Variants in TBXA2R observed in about 807,000 individuals in gnomAD.
The protein encoded by TBXA2R is thromboxane A2 receptor, also known as prostanoid TP receptor.
Under a neutral mutation model 15.6 loss-of-function variants are expected in TBXA2R, and 15 were observed. The ratio of observed to expected loss-of-function variants is 0.96; its 90% CI spans 0.64 to 1.48. TBXA2R has a LOEUF of 1.48. Among genes scored for constraint, TBXA2R ranks in the 40% most tolerant of loss-of-function variants. The pLI is 0.00. For missense variants in TBXA2R, 506 were observed against 491.4 expected, an observed-to-expected ratio of 1.03 and a Z score of -0.28; for synonymous variants, 280 against 241.2, an observed-to-expected ratio of 1.16 and a Z score of -1.49.
rs533734665 is a variant in TBXA2R at position 3,599,915 on chromosome 19, C to G, written c.720G>C (p.Glu240Asp). ...CCAGGAGCTGAGCCATCATCTCCAC[C>G]TCGGAGTCCCGGGGACGCTGCTGGG... ...EAAQQRPRDS[E>D]VEMMAQLLGI... The change falls in exon 2 of 3, where the codon GAG (glutamate) becomes GAC (aspartate). Residue 240 changes from glutamate to aspartate, a missense_variant. By Grantham distance (45) the Glu-to-Asp change is conservative. Coordinates refer to ENST00000375190, the MANE Select transcript of TBXA2R (RefSeq NM_001060.6). 22 of 1,549,944 alleles carry G rather than the reference C, an allele frequency of 1.4e-5. No individual in the cohort carries two copies. In the African/African-American group the frequency reaches 2.7e-4, roughly 19 times the overall value.
intron 1 of TBXA2R, among the ~76,000 whole-genome samples, chr19:3,602,811 C>T (rs1243585155): frequency 1.3e-5 from 2 of 151,226 alleles, no homozygotes; most frequent in African/African-American, 4.9e-5. Context: ...CCCAGGTGGG[C>T]GGATCACGAG....
At chr19:3,603,542 TC>T (rs1411079029) in intron 1 of TBXA2R, among the ~76,000 whole-genome samples, 1 of 152,084 alleles carries the variant, frequency 6.6e-6, no homozygotes, top group Non-Finnish European at 1.5e-5. Flanking sequence ...TTCTGGACAT[TC>T]CTTGGGACTC....
intron 2 of TBXA2R, among the ~76,000 whole-genome samples, chr19:3,599,137 G>A (rs564820729): frequency 6.5e-4 from 98 of 151,928 alleles, no homozygotes; most frequent in African/African-American, 1.4e-3. Flanking sequence ...TGTTTTCTAC[G>A]GCTGCTTTCT....
Position 3,595,948 on chromosome 19 carries a change from G to GCTGT in TBXA2R, c.787-19_787-16dup. Reference sequence around the variant, plus strand: ...GCGATGAAGACCTGCAAAGGGGAGAGCTGTCAGCCTGGGCCCCCGCCTCCA... The same window carrying GCTGT: ...GCGATGAAGACCTGCAAAGGGGAGAGCTGTCTGTCAGCCTGGGCCCCCGCCTCCA... On this transcript the variant is annotated splice_polypyrimidine_tract_variant and intron_variant, in intron 2 of 2. Transcript: ENST00000375190. 6.3e-7 allele frequency: 1 copy of GCTGT among 1,576,010 alleles called. No homozygotes were observed. Among genetic ancestry groups the GCTGT allele is most frequent in the Non-Finnish European group, 8.6e-7 (1 of 1,162,700 alleles).
intron 1 of TBXA2R, among the ~76,000 whole-genome samples, chr19:3,602,808 G>A (rs1356900806): frequency 1.3e-5 from 2 of 151,652 alleles, no homozygotes; most frequent in African/African-American, 4.8e-5. Flanking sequence ...AGGCCCAGGT[G>A]GGCGGATCAC....
Position 3,594,963 on chromosome 19 carries a change from C to T in TBXA2R, c.*725G>A. The stretch of plus-strand genomic sequence containing the variant: ...GGCGCAGTGGCTTACGCCTGTAATC[C>T]CAGCTGCTCGGGAGGCTGAGGCACG... On this transcript the variant is annotated 3_prime_UTR_variant, in exon 3 of 3. Transcript: ENST00000375190. 4 of 1,535,008 alleles carry T rather than the reference C, an allele frequency of 2.6e-6. No individual in the cohort carries two copies. Among genetic ancestry groups the T allele is most frequent in the Non-Finnish European group, 3.5e-6 (4 of 1,146,220 alleles).
At chr19:3,598,323 CT>C (rs2032640891) in intron 2 of TBXA2R, among the ~76,000 whole-genome samples, 1 of 143,188 alleles carries the variant, frequency 7.0e-6, no homozygotes, top group African/African-American at 2.6e-5. Context: ...TTTTTCTTTT[CT>C]TTTCTTTCTT....
At chr19:3,597,188 C>G (rs1236425143) in intron 2 of TBXA2R, among the ~76,000 whole-genome samples, 1 of 151,506 alleles carries the variant, frequency 6.6e-6, no homozygotes, top group East Asian at 1.9e-4. Context: ...GTGATCCACC[C>G]GCCTTAGCTT....
chr19:3,595,280 G>C lies in TBXA2R; in HGVS notation c.*408C>G. 9.2e-7 allele frequency: 1 copy of C among 1,087,834 alleles called. No homozygotes were observed. The highest frequency in any genetic ancestry group is 1.2e-6 in the Non-Finnish European group (1 of 825,264). The allele number at this position is 1,087,834 out of a possible 1,614,324, so 67.4% of individuals were successfully genotyped here. On this transcript the variant is annotated 3_prime_UTR_variant, in exon 3 of 3. Coordinates refer to ENST00000375190, the MANE Select transcript of TBXA2R (RefSeq NM_001060.6). ...TATAGTCCCAGCTACTCAGGAGGCT[G>C]AGGCAGGAGAATCGCTTGAACCCGG...
chr19:3,595,572 G>T lies in TBXA2R; in HGVS notation c.*116C>A, dbSNP rs202203460. The T allele has an allele frequency of 5.1e-5, 74 of 1,452,168 alleles. No individual in the cohort carries two copies. The African/African-American group carries it at 9.8e-4, about 19-fold the overall frequency. The allele number at this position is 1,452,168 out of a possible 1,614,324, so 90.0% of individuals were successfully genotyped here. A position where few individuals can be genotyped will look rare whatever the true frequency, so the allele number is the denominator to read the frequency against. On this transcript the variant is annotated 3_prime_UTR_variant, in exon 3 of 3. Coordinates refer to ENST00000375190, the MANE Select transcript of TBXA2R (RefSeq NM_001060.6). ...GGGGTCAACCCAAAACCCTGCTGCT[G>T]ATGCCCACTGTCCATCCAGCACCCC...
At position 3,595,811 on chromosome 19, in the gene TBXA2R, C is replaced by A; in HGVS notation, c.909G>T (p.Leu303=). 3 of 1,611,904 alleles carry A rather than the reference C, an allele frequency of 1.9e-6. No individual in the cohort carries two copies. The highest frequency in any genetic ancestry group is 2.5e-6 in the Non-Finnish European group (3 of 1,179,328). Residue 303 remains leucine, a synonymous_variant, in exon 3 of 3, where the codon CTG becomes CTT. Transcript: ENST00000375190. ...YLRVATWNQI[L]DPWVYILFRR... is the part of the protein sequence containing the mutation. ...GGAACAGGATATACACCCAGGGGTC[C>A]AGGATCTGGTTCCAGGTGGCCACGC...
At chr19:3,596,054 G>T in intron 2 of TBXA2R, 121 bp from the exon 3 acceptor site, 1 of 1,263,010 alleles carries the variant, frequency 7.9e-7, no homozygotes, top group Non-Finnish European at 1.1e-6. Flanking sequence ...TTTGAGACAG[G>T]GTCTCACTCT....
chr19:3,606,100 A>C (rs951423635), intron 1 of TBXA2R, among the ~76,000 whole-genome samples: 1 of 152,074 alleles, frequency 6.6e-6, no homozygotes, highest in African/African-American at 2.4e-5. Flanking sequence ...ACACAAAACC[A>C]CCACACACGC....
At chr19:3,596,020 T>C in intron 2 of TBXA2R, 87 bp from the exon 3 acceptor site, 1 of 1,479,490 alleles carries the variant, frequency 6.8e-7, no homozygotes. Flanking sequence ...AGATCCAGGG[T>C]CCACTCCGTT....
Position 3,594,728 on chromosome 19 carries a change from A to C in TBXA2R, c.*960T>G. On this transcript the variant is annotated 3_prime_UTR_variant, in exon 3 of 3. Coordinates refer to ENST00000375190, the MANE Select transcript of TBXA2R (RefSeq NM_001060.6). ...GCCCTGCCCTCGTCTGCTCCGGGTG[A>C]GGCCCAATGCACAAACTCCAGAGAT... is the stretch of plus-strand genomic sequence containing the variant. 5 of 945,888 alleles carry C rather than the reference A, an allele frequency of 5.3e-6. No individual in the cohort carries two copies. The highest frequency in any genetic ancestry group is 7.7e-6 in the Non-Finnish European group (5 of 646,332). The allele number at this position is 945,888 out of a possible 1,614,324, so 58.6% of individuals were successfully genotyped here.
At position 3,595,718 on chromosome 19, in the gene TBXA2R, G is replaced by C; in HGVS notation, c.1002C>G (p.Pro334=). ...STRPRSLSLQ[P]QLTQRSGLQ Reference sequence around the variant, plus strand: ...GCAGCCCGGAGCGCTGCGTGAGCTGGGGCTGGAGGGACAGCGACCTGGGCC... The same window carrying C: ...GCAGCCCGGAGCGCTGCGTGAGCTGCGGCTGGAGGGACAGCGACCTGGGCC... Residue 334 remains proline (P), a synonymous_variant, in exon 3 of 3, where the codon CCC becomes CCG. Coordinates refer to ENST00000375190, the MANE Select transcript of TBXA2R (RefSeq NM_001060.6). The C allele has an allele frequency of 1.3e-6, 2 of 1,598,594 alleles. No individual in the cohort carries two copies. The highest frequency in any genetic ancestry group is 1.7e-6 in the Non-Finnish European group (2 of 1,173,494).
intron 1 of TBXA2R, among the ~76,000 whole-genome samples, chr19:3,604,325 G>T (rs928265978): frequency 6.6e-6 from 1 of 152,126 alleles, no homozygotes; most frequent in Non-Finnish European, 1.5e-5. Flanking sequence ...CGTGTGACTC[G>T]GAGGGCTCTG....
intron 2 of TBXA2R, among the ~76,000 whole-genome samples, chr19:3,599,389 G>A (rs970859475): frequency 2.6e-5 from 4 of 151,044 alleles, no homozygotes; most frequent in Non-Finnish European, 4.4e-5. Context: ...GAGTGCAGTG[G>A]CGCAATCTCT....
In TBXA2R at chr19:3,600,318, C is replaced by G; in HGVS notation, c.317G>C (p.Arg106Pro). 5 of 1,613,138 alleles carry G rather than the reference C, an allele frequency of 3.1e-6. No individual in the cohort carries two copies. Among genetic ancestry groups the G allele is most frequent in the Non-Finnish European group, 2.5e-6 (3 of 1,179,814 alleles). ...GAAGATCATGACGACGCCCATGAAGCGACAGAGACGGCAGCCAGGGTCCAC... is the reference window on the plus strand; with the variant it reads ...GAAGATCATGACGACGCCCATGAAGGGACAGAGACGGCAGCCAGGGTCCAC... ...HAVDPGCRLC[R>P]FMGVVMIFFG... The change falls in exon 2 of 3, where the codon CGC becomes CCC. Residue 106 changes from arginine to proline, a missense_variant. Coordinates refer to ENST00000375190, the MANE Select transcript of TBXA2R (RefSeq NM_001060.6).
Sources: gnomAD v4.1 joint callset for allele counts (sites outside exome capture counted in the v4.1 genomes callset) on GRCh38, gnomAD v4.1.1 for gene constraint, MANE v1.5 for transcripts, NCBI Gene and HGNC (gene_info 2026-07-23, HGNC 2026-07-21) for gene names.